Variants in SELENOI observed in about 807,000 individuals in gnomAD.
SELENOI encodes the protein ethanolaminephosphotransferase 1.
SELENOI carries 24 observed loss-of-function variants against 50.7 expected under a neutral mutation model. The ratio of observed to expected loss-of-function variants is 0.47; its 90% CI spans 0.34 to 0.67. The LOEUF (loss-of-function observed/expected upper bound fraction) is 0.67. Among genes scored for constraint, SELENOI ranks in the 30% least tolerant of loss-of-function variants. The pLI is 0.01. For synonymous variants in SELENOI, 155 were observed against 170.2 expected (o/e 0.91, Z 0.70); for missense variants, 352 against 461.4 (o/e 0.76, Z 2.17).
chr2:26,367,930 A>G (rs960421966), intron 4 of SELENOI, among the ~76,000 whole-genome samples: 4 of 152,088 alleles, frequency 2.6e-5, no homozygotes, highest in Non-Finnish European at 4.4e-5. Flanking sequence ...CATGTTATCT[A>G]TTTACTTGCC....
chr2:26,373,390 C>T lies in SELENOI; in HGVS notation c.334C>T (p.Arg112Cys), dbSNP rs1328087085. The change falls in exon 5 of 10, where the codon CGC (arginine) becomes TGC (cysteine). Residue 112 changes from arginine to cysteine, a missense_variant. Transcript: ENST00000260585. Reference sequence around the variant, plus strand: ...AGATGGTGTGGACGGAAAGCAAGCTCGCAGAACCAATTCTAGCACTCCCTT... The same window carrying T: ...AGATGGTGTGGACGGAAAGCAAGCTTGCAGAACCAATTCTAGCACTCCCTT... ...TLDGVDGKQA[R>C]RTNSSTPLGE... The T allele has an allele frequency of 6.2e-6, 10 of 1,611,098 alleles. No individual in the cohort carries two copies. Among genetic ancestry groups the T allele is most frequent in the Non-Finnish European group, 6.8e-6 (8 of 1,178,392 alleles).
At chr2:26,349,836 A>G (rs2147942412) in intron 1 of SELENOI, among the ~76,000 whole-genome samples, 1 of 145,360 alleles carries the variant, frequency 6.9e-6, no homozygotes. Context: ...GTCTGGGCAC[A>G]GTGGCTCATG....
chr2:26,346,375 C>T (rs931287816), intron 1 of SELENOI, 86 bp downstream of exon 1: 2 of 1,424,434 alleles, frequency 1.4e-6, no homozygotes, highest in African/African-American at 1.5e-5. Context: ...TCCGTGTCAC[C>T]TTGTGCCGCG....
chr2:26,357,459 T>C (rs1677087234), intron 1 of SELENOI, among the ~76,000 whole-genome samples: 2 of 152,338 alleles, frequency 1.3e-5, no homozygotes, highest in South Asian at 4.1e-4. Flanking sequence ...TACCACACAC[T>C]GAGTGGCTTT....
intron 4 of SELENOI, 125 bp downstream of exon 4, chr2:26,367,345 C>G (rs1259667878): frequency 4.6e-6 from 3 of 656,634 alleles, no homozygotes; most frequent in African/African-American, 1.9e-5. Flanking sequence ...GTATCCTGTT[C>G]AAATTGATAA....
At chr2:26,357,473 C>T (rs1677087514) in intron 1 of SELENOI, among the ~76,000 whole-genome samples, 1 of 152,146 alleles carries the variant, frequency 6.6e-6, no homozygotes, top group African/African-American at 2.4e-5. Context: ...TGGCTTTAAA[C>T]AACAGAATTT....
chr2:26,357,821 C>T (rs763018810), intron 1 of SELENOI, among the ~76,000 whole-genome samples: 5 of 152,092 alleles, frequency 3.3e-5, no homozygotes, highest in Non-Finnish European at 5.9e-5. Context: ...TGGCTGTGCC[C>T]CCACCCAAAT....
chr2:26,369,226 T>G (rs1677355610), intron 4 of SELENOI, among the ~76,000 whole-genome samples: 1 of 152,238 alleles, frequency 6.6e-6, no homozygotes, highest in Non-Finnish European at 1.5e-5. Flanking sequence ...CCCTTGGTAA[T>G]GGTGATTCTC....
At chr2:26,377,242 CTT>C (rs1677586772) in intron 6 of SELENOI, among the ~76,000 whole-genome samples, 1 of 152,094 alleles carries the variant, frequency 6.6e-6, no homozygotes, top group Admixed American at 6.6e-5. Flanking sequence ...TAGTGGATAA[CTT>C]TTATTCATCT....
Position 26,355,619 on chromosome 2 carries a change from C to T in SELENOI, c.58-8683C>T, listed in dbSNP as rs181597341. 1.5e-3 allele frequency among the ~76,000 whole-genome samples: 232 copies of T among 152,110 alleles called. 2 individuals are homozygous for T. Among genetic ancestry groups the T allele is most frequent in the Middle Eastern group, 3.4e-3 (1 of 294 alleles). ...CTCATTGCTCTAATTCTCCAGTCTCCTATTGCCACCCTCCTCTCTCCGACT... is the reference window on the plus strand; with the variant it reads ...CTCATTGCTCTAATTCTCCAGTCTCTTATTGCCACCCTCCTCTCTCCGACT... On this transcript the variant is annotated intron_variant, in intron 1 of 9. Coordinates refer to ENST00000260585, the MANE Select transcript of SELENOI (RefSeq NM_033505.4).
rs1677908114 is a variant in SELENOI, at chr2:26,389,084, A to T, written c.1175A>T (p.Glu392Val). The change falls in exon 10 of 10, where the codon GAA (glutamate) becomes GTA (valine). Residue 392 changes from glutamate to valine, a missense_variant. Physicochemically the swap from Glu to Val is moderately radical, Grantham distance 121. Coordinates refer to ENST00000260585, the MANE Select transcript of SELENOI (RefSeq NM_033505.4). The stretch of plus-strand genomic sequence containing the variant: ...AACTCAGATTGACTAGGAATGGAAG[A>T]AAAGAATATTGGCCTGTAATAATCT... ...KPNSDULGME[E>V]KNIGL is the part of the protein sequence containing the mutation. 15 of 1,578,768 alleles carry T rather than the reference A, an allele frequency of 9.5e-6. No individual in the cohort carries two copies. Among genetic ancestry groups the T allele is most frequent in the Non-Finnish European group, 1.1e-5 (13 of 1,160,644 alleles).
chr2:26,348,407 G>GA (rs1676860762), intron 1 of SELENOI, among the ~76,000 whole-genome samples: 1 of 152,198 alleles, frequency 6.6e-6, no homozygotes, highest in Non-Finnish European at 1.5e-5. Flanking sequence ...ATCTTCCCTA[G>GA]AGGTATATCT....
rs184505004 is a variant in SELENOI, at chr2:26,348,578, A to C, written c.57+2289A>C. 1.1e-4 allele frequency among the ~76,000 whole-genome samples: 17 copies of C among 152,276 alleles called. No individual in the cohort carries two copies. In the East Asian group the frequency reaches 3.1e-3, roughly 28 times the overall value. The stretch of plus-strand genomic sequence containing the variant: ...TTCTGTGTTATGTATTGACACTTGC[A>C]TTCGCTATTGTGTTACTTAACGCAA... On this transcript the variant is annotated intron_variant, in intron 1 of 9. Transcript: ENST00000260585.
At chr2:26,382,164 C>G (rs1342835015) in intron 6 of SELENOI, among the ~76,000 whole-genome samples, 1 of 152,194 alleles carries the variant, frequency 6.6e-6, no homozygotes, top group African/African-American at 2.4e-5. Context: ...TAGAGTTTGT[C>G]CAAGAGTCCA....
chr2:26,350,304 C>A (rs1375018177), intron 1 of SELENOI, among the ~76,000 whole-genome samples: 4 of 151,958 alleles, frequency 2.6e-5, no homozygotes, highest in African/African-American at 7.2e-5. Flanking sequence ...ACTAAAGAAC[C>A]AGAATCTGGC....
Position 26,364,315 on chromosome 2 carries a change from A to T in SELENOI, c.71A>T (p.Asp24Val), listed in dbSNP as rs1257488217. The change falls in exon 2 of 10, where the codon GAT becomes GTT. Residue 24 changes from aspartate (D) to valine (V), a missense_variant. Physicochemically the swap from Asp to Val is radical, Grantham distance 152 (BLOSUM62 -3). Transcript: ENST00000260585. Reference sequence around the variant, plus strand: ...ATTTCTTAACAGTACAGTGCTGTGGATACCAATCCACTTTCTCTGTATGTC... The same window carrying T: ...ATTTCTTAACAGTACAGTGCTGTGGTTACCAATCCACTTTCTCTGTATGTC... ...GFDKYKYSAVDTNPLSLYVMH... is the reference protein window; with the variant it reads ...GFDKYKYSAVVTNPLSLYVMH... The T allele has an allele frequency of 6.4e-7, 1 of 1,557,560 alleles. No individual in the cohort carries two copies.
chr2:26,349,427 C>G (rs1676903652), intron 1 of SELENOI, among the ~76,000 whole-genome samples: 3 of 151,944 alleles, frequency 2.0e-5, no homozygotes, highest in African/African-American at 7.3e-5. Context: ...CTGCCTCAGC[C>G]TCCTGAGTAG....
At chr2:26,377,100 A>T (rs1272342634) in intron 6 of SELENOI, among the ~76,000 whole-genome samples, 2 of 152,088 alleles carry the variant, frequency 1.3e-5, no homozygotes, top group African/African-American at 4.8e-5. Flanking sequence ...ACTTCTTGAG[A>T]TATTTTTTCT....
At chr2:26,370,432 C>T (rs1409302260) in intron 4 of SELENOI, among the ~76,000 whole-genome samples, 2 of 151,730 alleles carry the variant, frequency 1.3e-5, no homozygotes, top group Admixed American at 1.3e-4. Context: ...CCAGTAGGGG[C>T]GGCTGGGCAG....
Sources: allele counts gnomAD v4.1 joint callset (sites outside exome capture counted in the v4.1 genomes callset), GRCh38; gene constraint gnomAD v4.1.1; transcripts MANE v1.5; gene names NCBI Gene and HGNC (gene_info 2026-07-23, HGNC 2026-07-21).